The following KIAA1549L variants were observed in gnomAD, a reference collection of about 807,000 sequenced individuals.
KIAA1549L encodes the protein KIAA1549 like.
In KIAA1549L, 88 loss-of-function variants were observed where a neutral mutation model predicts 160.7. That is an observed-to-expected ratio of 0.55 (90% CI 0.46 to 0.65). KIAA1549L has a LOEUF of 0.65. Ranked by LOEUF, KIAA1549L falls within the 30% of genes least tolerant of loss-of-function variation. The pLI, the probability that KIAA1549L is intolerant of heterozygous loss-of-function variation, is 0.00. For missense variants in KIAA1549L, 2,258 were observed against 2,437.5 expected (o/e 0.93, Z 1.55); for synonymous variants, 950 against 976.7 (o/e 0.97, Z 0.51).
At chr11:33,610,098 A>G (rs1225819547) in intron 15 of KIAA1549L, 132 bp downstream of exon 15, 4 of 675,036 alleles carry the variant, frequency 5.9e-6, no homozygotes, top group African/African-American at 1.8e-5. Context: ...GATTTGTACC[A>G]CGCTGGTCTG....
In KIAA1549L at chr11:33,530,435, AAATATATATATATATATATATATAT is replaced by A. The variant is rs1313726217; in HGVS notation, c.239-11365_239-11341del. On this transcript the variant is annotated intron_variant, in intron 1 of 20. Coordinates refer to ENST00000658780, the MANE Select transcript of KIAA1549L (RefSeq NM_012194.3). ...GAAGGAAAAAAAAAAAAAAAAAAAA[AAATATATATATATATATATATATAT>A]ATATATATATATATATATATATATG... 5.7e-3 allele frequency among the ~76,000 whole-genome samples: 40 copies of A among 7,074 alleles called. 1 individual carries two copies. The highest frequency in any genetic ancestry group is 0.018 in the African/African-American group (31 of 1,688). The allele number at this position is 7,074 out of a possible 152,430, so 4.6% of individuals were successfully genotyped here.
intron 16 of KIAA1549L, among the ~76,000 whole-genome samples, chr11:33,642,715 T>C (rs1381581092): frequency 6.6e-6 from 1 of 151,988 alleles, no homozygotes; most frequent in Admixed American, 6.6e-5. Context: ...GAGCAGGTAA[T>C]TGGAATGAGT....
chr11:33,641,146 A>T (rs1169889218), intron 16 of KIAA1549L, among the ~76,000 whole-genome samples: 2 of 152,214 alleles, frequency 1.3e-5, no homozygotes, highest in Non-Finnish European at 2.9e-5. Flanking sequence ...GAGTGAGGAA[A>T]CCCACGTGGA....
chr11:33,547,624 C>T (rs777971691), intron 3 of KIAA1549L, 140 bp from the exon 4 acceptor site: 5 of 604,432 alleles, frequency 8.3e-6, no homozygotes, highest in South Asian at 6.0e-5. Flanking sequence ...ACCACCCCAG[C>T]GCACCCCCTC....
intron 9 of KIAA1549L, among the ~76,000 whole-genome samples, chr11:33,573,839 A>G (rs953932763): frequency 6.6e-6 from 1 of 152,226 alleles, no homozygotes; most frequent in East Asian, 1.9e-4. Context: ...ATGATTATCA[A>G]TTGTTAATTA....
intron 5 of KIAA1549L, 50 bp downstream of exon 5, chr11:33,551,309 C>G: frequency 6.7e-7 from 1 of 1,503,440 alleles, no homozygotes; most frequent in Non-Finnish European, 9.2e-7. Flanking sequence ...GGTTCAGGGC[C>G]AGTACCAAGT....
intron 11 of KIAA1549L, among the ~76,000 whole-genome samples, chr11:33,589,728 A>G (rs1169785984): frequency 6.9e-6 from 1 of 145,518 alleles, no homozygotes; most frequent in Non-Finnish European, 1.5e-5. Context: ...ACTTGGACAC[A>G]GGAAGGGAGA....
intron 17 of KIAA1549L, among the ~76,000 whole-genome samples, chr11:33,655,047 G>A (rs1160444192): frequency 6.6e-6 from 1 of 152,144 alleles, no homozygotes; most frequent in African/African-American, 2.4e-5. Context: ...GAAAGAAACG[G>A]ATGAGAACCG....
At chr11:33,576,282 G>A (rs905694881) in intron 10 of KIAA1549L, among the ~76,000 whole-genome samples, 2 of 152,306 alleles carry the variant, frequency 1.3e-5, no homozygotes, top group African/African-American at 4.8e-5. Flanking sequence ...TTGCTTCCAG[G>A]ATGATGGTCC....
intron 13 of KIAA1549L, among the ~76,000 whole-genome samples, chr11:33,605,807 A>G (rs1332300877): frequency 6.6e-6 from 1 of 152,216 alleles, no homozygotes; most frequent in Admixed American, 6.5e-5. Flanking sequence ...GCCATGCTCA[A>G]TAAGCTGTCT....
chr11:33,380,314 T>C (rs959656456), intron 1 of KIAA1549L, among the ~76,000 whole-genome samples: 2 of 152,228 alleles, frequency 1.3e-5, no homozygotes, highest in African/African-American at 4.8e-5. Context: ...CTGTTCCTCC[T>C]GCTTGGCTGT....
intron 1 of KIAA1549L, among the ~76,000 whole-genome samples, chr11:33,509,695 T>G (rs980228630): frequency 6.6e-6 from 1 of 152,226 alleles, no homozygotes; most frequent in Admixed American, 6.5e-5. Context: ...AAATGTCACT[T>G]TTTTAATTGC....
In KIAA1549L at chr11:33,542,281, C is replaced by A; in HGVS notation, c.718C>A (p.Pro240Thr). The change falls in exon 2 of 21, where the codon CCC (proline) becomes ACC (threonine). Residue 240 changes from proline (P) to threonine (T), a missense_variant. Transcript: ENST00000658780. ...ISKHPPRSDI[P>T]PLLPLPPSSS... ...AAAGCATCCCCCAAGGTCAGACATTCCCCCACTCCTCCCTCTACCTCCATC... is the reference window on the plus strand; with the variant it reads ...AAAGCATCCCCCAAGGTCAGACATTACCCCACTCCTCCCTCTACCTCCATC... 1 of 646,656 alleles carries A rather than the reference C, an allele frequency of 1.5e-6. No homozygotes were observed. The highest frequency in any genetic ancestry group is 1.8e-5 in the South Asian group (1 of 56,992). 40.1% of individuals were successfully genotyped at this position (646,656 alleles called of 1,614,324 possible).
intron 1 of KIAA1549L, among the ~76,000 whole-genome samples, chr11:33,527,735 GAA>G (rs1258749166): frequency 6.6e-6 from 1 of 151,952 alleles, no homozygotes; most frequent in African/African-American, 2.4e-5. Context: ...AAATCAGCAA[GAA>G]AAAAACAAAT....
chr11:33,622,196 A>C (rs1850976672), intron 16 of KIAA1549L, among the ~76,000 whole-genome samples: 1 of 152,214 alleles, frequency 6.6e-6, no homozygotes, highest in South Asian at 2.1e-4. Flanking sequence ...TGAAAAGTAC[A>C]TGTAAATCTA....
At chr11:33,567,979 G>A in intron 8 of KIAA1549L, 97 bp from the exon 9 acceptor site, 1 of 1,276,252 alleles carries the variant, frequency 7.8e-7, no homozygotes, top group Non-Finnish European at 1.0e-6. Context: ...GGACACAGTG[G>A]CCCTTGGTGG....
At chr11:33,538,954 C>G (rs1207675244) in intron 1 of KIAA1549L, among the ~76,000 whole-genome samples, 6 of 152,306 alleles carry the variant, frequency 3.9e-5, no homozygotes, top group Non-Finnish European at 8.8e-5. Context: ...CGTCCTGTTC[C>G]TGTCTAGGTA....
rs1852488623 is a variant in KIAA1549L at position 33,484,864 on chromosome 11, A to G, written c.239-56938A>G. 2.0e-5 allele frequency among the ~76,000 whole-genome samples: 3 copies of G among 152,176 alleles called. No homozygotes were observed. The South Asian group carries it at 6.2e-4, about 32-fold the overall frequency. ...TTTATTTTTTTCTTGCAGCTTTAAAATAAGTAGGCATGGATCATGCCCCTA... is the reference window on the plus strand; with the variant it reads ...TTTATTTTTTTCTTGCAGCTTTAAAGTAAGTAGGCATGGATCATGCCCCTA... On this transcript the variant is annotated intron_variant, in intron 1 of 20. Coordinates refer to ENST00000658780, the MANE Select transcript of KIAA1549L (RefSeq NM_012194.3).
rs1239856103 is a variant in KIAA1549L at position 33,667,867 on chromosome 11, C to G, written c.6160-6C>G. ...CCCTGTCCTTCTCTCCCCACGCCCT[C>G]TGCAGGTGCCCCTCCCAGGGTACAT... On this transcript the variant is annotated splice_region_variant and splice_polypyrimidine_tract_variant and intron_variant, in intron 20 of 20. Coordinates refer to ENST00000658780, the MANE Select transcript of KIAA1549L (RefSeq NM_012194.3). The G allele has an allele frequency of 1.2e-6, 2 of 1,606,840 alleles. No individual in the cohort carries two copies. The highest frequency in any genetic ancestry group is 3.4e-5 in the Admixed American group (2 of 59,442).
Sources: gnomAD v4.1 joint callset for allele counts (sites outside exome capture counted in the v4.1 genomes callset) on GRCh38, gnomAD v4.1.1 for gene constraint, MANE v1.5 for transcripts, NCBI Gene and HGNC (gene_info 2026-07-23, HGNC 2026-07-21) for gene names.